Variants in STXBP5 observed in about 807,000 individuals in gnomAD.
STXBP5 encodes syntaxin-binding protein 5.
A neutral mutation model predicts 152.4 loss-of-function variants in STXBP5; 50 were observed. The observed-to-expected ratio is 0.33, with a 90% confidence interval of 0.26 to 0.42. The LOEUF (loss-of-function observed/expected upper bound fraction) is 0.42. Among genes scored for constraint, STXBP5 ranks in the 10% least tolerant of loss-of-function variants. The pLI is 1.00. For synonymous variants in STXBP5, 492 were observed against 494.7 expected, an observed-to-expected ratio of 0.99 and a Z score of 0.07; for missense variants, 1,167 against 1,388.6, an observed-to-expected ratio of 0.84 and a Z score of 2.54.
chr6:147,239,383 T>C, intron 4 of STXBP5, 113 bp downstream of exon 4: 2 of 805,212 alleles, frequency 2.5e-6, no homozygotes, highest in Non-Finnish European at 1.9e-6. Flanking sequence ...TAAAAACTGA[T>C]TCAGAAGCTT....
intron 26 of STXBP5, among the ~76,000 whole-genome samples, chr6:147,378,143 A>G (rs1332578109): frequency 1.3e-5 from 2 of 152,066 alleles, no homozygotes; most frequent in Admixed American, 1.3e-4. Context: ...TTTCTTCCAA[A>G]TATTTAGGGA....
At chr6:147,369,388 A>C (rs1256327362) in intron 25 of STXBP5, among the ~76,000 whole-genome samples, 1 of 152,090 alleles carries the variant, frequency 6.6e-6, no homozygotes, top group East Asian at 1.9e-4. Flanking sequence ...ACTTAAGAAA[A>C]CATCTGTTAC....
At chr6:147,233,759 C>T (rs1175938195) in intron 2 of STXBP5, among the ~76,000 whole-genome samples, 1 of 151,212 alleles carries the variant, frequency 6.6e-6, no homozygotes, top group African/African-American at 2.4e-5. Flanking sequence ...TTGCACATTG[C>T]CAATACTATT....
intron 9 of STXBP5, among the ~76,000 whole-genome samples, chr6:147,291,603 TAC>T (rs1315540736): frequency 2.0e-5 from 3 of 152,118 alleles, no homozygotes; most frequent in South Asian, 2.1e-4. Context: ...TGAAAATAAA[TAC>T]AGTTTAATAT....
At position 147,263,933 on chromosome 6, in the gene STXBP5, CG is replaced by C. The variant is rs554046545; in HGVS notation, c.630+1581del. On this transcript the variant is annotated intron_variant, in intron 6 of 27. Transcript: ENST00000321680. ...TCTCAGCTCCCCTGAATTTGAAACT[CG>C]TTAAGCACAAAGGTAATATTTATAC... Among the ~76,000 whole-genome samples, 16 of 151,922 alleles carry C rather than the reference CG, an allele frequency of 1.1e-4. No homozygotes were observed. In the South Asian group the frequency reaches 3.3e-3, roughly 32 times the overall value.
chr6:147,334,189 G>T lies in STXBP5; in HGVS notation c.2113G>T (p.Val705Phe). The T allele has an allele frequency of 6.2e-7, 1 of 1,612,308 alleles. No homozygotes were observed. The highest frequency in any genetic ancestry group is 8.5e-7 in the Non-Finnish European group (1 of 1,179,204). Reference protein sequence around the residue: ...GLCDISEGTVVPEDRCKSPTS... With the variant: ...GLCDISEGTVFPEDRCKSPTS... ...GTGTGATATTAGTGAAGGGACTGTTGTTCCAGAGGATCGCTGCAAATCTCC... is the reference window on the plus strand; with the variant it reads ...GTGTGATATTAGTGAAGGGACTGTTTTTCCAGAGGATCGCTGCAAATCTCC... Residue 705 changes from valine (V) to phenylalanine (F), a missense_variant, in exon 19 of 28, where the codon GTT becomes TTT. Physicochemically the swap from Val to Phe is conservative, Grantham distance 50. Coordinates refer to ENST00000321680, the MANE Select transcript of STXBP5 (RefSeq NM_001127715.4).
At chr6:147,336,341 A>C (rs1783824978) in intron 19 of STXBP5, among the ~76,000 whole-genome samples, 1 of 152,142 alleles carries the variant, frequency 6.6e-6, no homozygotes, top group Non-Finnish European at 1.5e-5. Flanking sequence ...AAAAATTGTT[A>C]ATAGTAATTT....
At chr6:147,333,600 A>G (rs1783688275) in intron 18 of STXBP5, among the ~76,000 whole-genome samples, 2 of 152,226 alleles carry the variant, frequency 1.3e-5, no homozygotes, top group African/African-American at 4.8e-5. Flanking sequence ...ATGTGCCTCA[A>G]AATGGGAAAC....
At chr6:147,284,523 C>T (rs1277623936) in intron 8 of STXBP5, among the ~76,000 whole-genome samples, 4 of 152,066 alleles carry the variant, frequency 2.6e-5, no homozygotes, top group Non-Finnish European at 5.9e-5. Flanking sequence ...CTGATAAAGG[C>T]ATGTATAACA....
intron 9 of STXBP5, among the ~76,000 whole-genome samples, chr6:147,308,108 T>G (rs1448182740): frequency 6.6e-6 from 1 of 152,242 alleles, no homozygotes; most frequent in African/African-American, 2.4e-5. Flanking sequence ...TCTAAAAATT[T>G]AACAAGTGTT....
chr6:147,353,387 A>G lies in STXBP5; in HGVS notation c.2305+14A>G. On this transcript the variant is annotated intron_variant, in intron 22 of 27. Coordinates refer to ENST00000321680, the MANE Select transcript of STXBP5 (RefSeq NM_001127715.4). ...AGCCTGATTTAGGTAAGTAAAATAA[A>G]TATTCAAAATAATTTAACTCCCTAT... 1 of 1,532,612 alleles carries G rather than the reference A, an allele frequency of 6.5e-7. No individual in the cohort carries two copies. The highest frequency in any genetic ancestry group is 8.8e-7 in the Non-Finnish European group (1 of 1,130,086). 94.9% of individuals were successfully genotyped at this position (1,532,612 alleles called of 1,614,324 possible).
At chr6:147,238,644 T>A (rs1051404579) in intron 3 of STXBP5, among the ~76,000 whole-genome samples, 1 of 152,212 alleles carries the variant, frequency 6.6e-6, no homozygotes, top group African/African-American at 2.4e-5. Flanking sequence ...TTTAACATTC[T>A]AAATTAGTCA....
intron 21 of STXBP5, among the ~76,000 whole-genome samples, chr6:147,348,252 C>T (rs778332907): frequency 2.5e-4 from 38 of 152,082 alleles, no homozygotes; most frequent in Non-Finnish European, 5.3e-4. Context: ...CTTCTGCCTG[C>T]CACTTACAAG....
At chr6:147,259,303 A>T (rs1387359671) in intron 4 of STXBP5, among the ~76,000 whole-genome samples, 1 of 152,150 alleles carries the variant, frequency 6.6e-6, no homozygotes, top group African/African-American at 2.4e-5. Flanking sequence ...ACTGAGGAAA[A>T]AAAATCTTAG....
Position 147,310,034 on chromosome 6 carries a change from A to G in STXBP5, c.918-50A>G, listed in dbSNP as rs765275350. ...TTAAAAAATTATGATGTAGCAAGAA[A>G]ATTATCTTTACTATGCCATTAATAA... On this transcript the variant is annotated intron_variant, in intron 9 of 27. Coordinates refer to ENST00000321680, the MANE Select transcript of STXBP5 (RefSeq NM_001127715.4). 2.6e-5 allele frequency: 34 copies of G among 1,284,960 alleles called. No homozygotes were observed. In the East Asian group the frequency reaches 3.2e-4, roughly 12 times the overall value. 79.6% of individuals were successfully genotyped at this position (1,284,960 alleles called of 1,614,324 possible).
At chr6:147,303,088 T>C (rs918308879) in intron 9 of STXBP5, among the ~76,000 whole-genome samples, 3 of 152,162 alleles carry the variant, frequency 2.0e-5, no homozygotes, top group African/African-American at 7.2e-5. Context: ...TTTAAAGAAG[T>C]GAGTATAAAA....
At chr6:147,231,277 C>G (rs1562424771) in intron 2 of STXBP5, among the ~76,000 whole-genome samples, 1 of 151,676 alleles carries the variant, frequency 6.6e-6, no homozygotes, top group Non-Finnish European at 1.5e-5. Flanking sequence ...TGTTCAAAGA[C>G]TGTGCTCCTG....
intron 7 of STXBP5, among the ~76,000 whole-genome samples, chr6:147,274,006 A>ACAGGAAGC (rs1474314085): frequency 2.0e-5 from 3 of 151,890 alleles, no homozygotes; most frequent in African/African-American, 7.3e-5. Context: ...CAGGAATCAT[A>ACAGGAAGC]ACAGCTTTAA....
intron 16 of STXBP5, among the ~76,000 whole-genome samples, chr6:147,323,114 C>T (rs546352397): frequency 1.7e-4 from 25 of 146,398 alleles, no homozygotes; most frequent in Non-Finnish European, 3.5e-4. Context: ...TCTTCCTCTA[C>T]CCTACCTCTA....
Sources: allele counts gnomAD v4.1 joint callset (sites outside exome capture counted in the v4.1 genomes callset), GRCh38; gene constraint gnomAD v4.1.1; transcripts MANE v1.5; gene names NCBI Gene and HGNC (gene_info 2026-07-23, HGNC 2026-07-21).